The following RPS6KC1 variants were observed in gnomAD, a reference collection of about 807,000 sequenced individuals.
The protein encoded by RPS6KC1 is ribosomal protein S6 kinase C1.
In RPS6KC1, 54 loss-of-function variants were observed where a neutral mutation model predicts 103.8. That is an observed-to-expected ratio of 0.52 (90% CI 0.42 to 0.65). RPS6KC1 has a LOEUF of 0.65. Ranked by LOEUF, RPS6KC1 falls within the 30% of genes least tolerant of loss-of-function variation. RPS6KC1 has a pLI of 0.00. For missense variants in RPS6KC1, 1,151 were observed against 1,253.8 expected, an observed-to-expected ratio of 0.92 and a Z score of 1.24; for synonymous variants, 439 against 438.7, an observed-to-expected ratio of 1.00 and a Z score of -0.01.
At chr1:213,751,847 C>T in the RPS6KC1 span, among the ~76,000 whole-genome samples, 1 of 152,144 alleles carries the variant, frequency 6.6e-6, no homozygotes. Context: ...TACATAGTGT[C>T]TGGTATTTAC....
At chr1:213,456,998 A>G in the RPS6KC1 span, among the ~76,000 whole-genome samples, 3 of 152,318 alleles carry the variant, frequency 2.0e-5, no homozygotes, top group Middle Eastern at 3.4e-3. Flanking sequence ...AAATATCCTA[A>G]GAATAATCTG....
chr1:213,586,578 A>G, the RPS6KC1 span, among the ~76,000 whole-genome samples: 2 of 152,268 alleles, frequency 1.3e-5, no homozygotes, highest in African/African-American at 4.8e-5. Flanking sequence ...GATACTTTAC[A>G]TTATTAGCAA....
chr1:213,544,831 T>C, the RPS6KC1 span, among the ~76,000 whole-genome samples: 1 of 152,174 alleles, frequency 6.6e-6, no homozygotes, highest in African/African-American at 2.4e-5. Context: ...TCCTCTCTCA[T>C]TCCTTCTTGA....
At chr1:213,652,262 C>A in the RPS6KC1 span, among the ~76,000 whole-genome samples, 1 of 152,290 alleles carries the variant, frequency 6.6e-6, no homozygotes, top group South Asian at 2.1e-4. Flanking sequence ...AAGGGCTTTA[C>A]ATATGTTAAC....
At chr1:213,248,881 A>G (rs375170780) in intron 12 of RPS6KC1, among the ~76,000 whole-genome samples, 2 of 152,232 alleles carry the variant, frequency 1.3e-5, no homozygotes, top group East Asian at 3.8e-4. Context: ...ACATCCCAAG[A>G]GAAGTTCAAT....
the RPS6KC1 span, among the ~76,000 whole-genome samples, chr1:213,585,685 T>A: frequency 6.6e-6 from 1 of 152,118 alleles, no homozygotes; most frequent in African/African-American, 2.4e-5. Flanking sequence ...TCTGGGGACC[T>A]CACACAGCTG....
the RPS6KC1 span, among the ~76,000 whole-genome samples, chr1:213,633,782 T>A: frequency 1.4e-5 from 2 of 145,784 alleles, no homozygotes; most frequent in Non-Finnish European, 1.5e-5. Context: ...GACCCATCAG[T>A]GTGCTGTATT....
chr1:213,230,934 T>TTAGTTAATATTTAGTTAATATTAACTAAG (rs2094088332), intron 9 of RPS6KC1, among the ~76,000 whole-genome samples: 2 of 23,174 alleles, frequency 8.6e-5, no homozygotes, highest in Non-Finnish European at 2.4e-4. Flanking sequence ...AGTTAATATT[T>TTAGTTAATATTTAGTTAATATTAACTAAG]TAGTTAATAT....
the RPS6KC1 span, among the ~76,000 whole-genome samples, chr1:213,573,273 AT>A: frequency 6.6e-6 from 1 of 152,334 alleles, no homozygotes; most frequent in East Asian, 1.9e-4. Flanking sequence ...TCCAGGGCTT[AT>A]AGACACCTGG....
the RPS6KC1 span, among the ~76,000 whole-genome samples, chr1:213,816,302 T>TAC: frequency 6.6e-6 from 1 of 152,232 alleles, no homozygotes; most frequent in South Asian, 2.1e-4. Flanking sequence ...AGAGTTGCCA[T>TAC]AAATCTTCAA....
chr1:213,398,537 T>C, the RPS6KC1 span, among the ~76,000 whole-genome samples: 125,415 of 152,028 alleles, frequency 0.82, 52,097 homozygotes, highest in East Asian at 0.99. Context: ...CACACTTCCT[T>C]TTCACCTAGG....
At chr1:213,629,934 A>G in the RPS6KC1 span, among the ~76,000 whole-genome samples, 1 of 152,140 alleles carries the variant, frequency 6.6e-6, no homozygotes, top group Non-Finnish European at 1.5e-5. Flanking sequence ...TGGCTTGTAC[A>G]GTTTCTGCCG....
chr1:213,097,711 G>A (rs947267421), intron 3 of RPS6KC1, among the ~76,000 whole-genome samples: 1 of 152,204 alleles, frequency 6.6e-6, no homozygotes, highest in African/African-American at 2.4e-5. Context: ...GTTCTTTAGT[G>A]TAGCCATCTT....
At chr1:213,195,001 A>G (rs1243469590) in intron 8 of RPS6KC1, among the ~76,000 whole-genome samples, 1 of 152,236 alleles carries the variant, frequency 6.6e-6, no homozygotes, top group Non-Finnish European at 1.5e-5. Flanking sequence ...TGTTTAGATT[A>G]GAGATGGTGG....
the RPS6KC1 span, among the ~76,000 whole-genome samples, chr1:213,609,783 G>A: frequency 7.2e-6 from 1 of 138,340 alleles, no homozygotes; most frequent in African/African-American, 2.6e-5. Context: ...TACTTTCAAT[G>A]GCAAAACCCG....
chr1:213,604,865 G>A, the RPS6KC1 span, among the ~76,000 whole-genome samples: 4 of 152,196 alleles, frequency 2.6e-5, no homozygotes, highest in South Asian at 6.2e-4. Flanking sequence ...GGGCAAGTGT[G>A]TGAGTCAGTG....
At chr1:213,325,888 C>T in the RPS6KC1 span, among the ~76,000 whole-genome samples, 1 of 152,172 alleles carries the variant, frequency 6.6e-6, no homozygotes, top group Non-Finnish European at 1.5e-5. Flanking sequence ...CAACCCCCTT[C>T]TGCTGCCCAT....
the RPS6KC1 span, among the ~76,000 whole-genome samples, chr1:213,830,886 T>C: frequency 3.0e-4 from 46 of 152,256 alleles, no homozygotes; most frequent in African/African-American, 1.1e-3. Flanking sequence ...GGCTCTTTCT[T>C]TAGCTACAAG....
chr1:213,549,331 C>T, the RPS6KC1 span, among the ~76,000 whole-genome samples: 1 of 152,234 alleles, frequency 6.6e-6, no homozygotes, highest in Admixed American at 6.5e-5. Context: ...AAGGAAGGCT[C>T]TTGGACCAGC....
Sources: allele counts gnomAD v4.1 joint callset (sites outside exome capture counted in the v4.1 genomes callset), GRCh38; gene constraint gnomAD v4.1.1; transcripts MANE v1.5; gene names NCBI Gene and HGNC (gene_info 2026-07-23, HGNC 2026-07-21).